The following FAM135B variants were observed in gnomAD, a reference collection of about 807,000 sequenced individuals.
The protein encoded by FAM135B is protein FAM135B.
Under a neutral mutation model 127.7 loss-of-function variants are expected in FAM135B, and 43 were observed. The observed-to-expected ratio is 0.34, with a 90% CI of 0.26 to 0.43. The LOEUF (loss-of-function observed/expected upper bound fraction) is 0.43. Ranked by LOEUF, FAM135B falls within the 20% of genes least tolerant of loss-of-function variation. The probability of loss-of-function intolerance (pLI) is 1.00; values close to 1 mark genes in which losing one functional copy is unlikely to be tolerated. For missense variants in FAM135B, 1,558 were observed against 1,725.6 expected, an observed-to-expected ratio of 0.90 and a Z score of 1.72; for synonymous variants, 670 against 665.1, an observed-to-expected ratio of 1.01 and a Z score of -0.11.
intron 1 of FAM135B, among the ~76,000 whole-genome samples, chr8:138,485,906 T>C (rs181208529): frequency 6.6e-6 from 1 of 151,846 alleles, no homozygotes; most frequent in African/African-American, 2.4e-5. Flanking sequence ...TGTGAGTGAG[T>C]GTGTGGCTAA....
rs1818217541 is a variant in FAM135B at position 138,152,114 on chromosome 8, G to A, written c.2361C>T (p.Asp787=). The part of the protein sequence containing the change: ...SSPEEAAEDA[D]TKQQDGGFAE... ...CAAAACCTCCATCTTGCTGCTTGGT[G>A]TCCGCATCTTCAGCAGCCTCCTCTG... The change falls in exon 13 of 20, where the codon GAC becomes GAT. Residue 787 remains aspartate, a synonymous_variant. Transcript: ENST00000395297. The A allele has an allele frequency of 6.2e-7, 1 of 1,613,868 alleles. No homozygotes were observed. Among genetic ancestry groups the A allele is most frequent in the African/African-American group, 1.3e-5 (1 of 75,028 alleles).
chr8:138,135,901 C>A (rs1406202623), intron 19 of FAM135B, among the ~76,000 whole-genome samples: 2 of 151,972 alleles, frequency 1.3e-5, no homozygotes. Flanking sequence ...TAAATCAAAT[C>A]ATGACACAAA....
At chr8:138,476,566 T>C (rs548270633) in intron 1 of FAM135B, among the ~76,000 whole-genome samples, 121 of 151,708 alleles carry the variant, frequency 8.0e-4, no homozygotes, top group Middle Eastern at 6.8e-3. Flanking sequence ...AAACACAAAA[T>C]AGCCTTTCAT....
At chr8:138,406,974 T>A (rs1226663848) in intron 1 of FAM135B, among the ~76,000 whole-genome samples, 1 of 150,758 alleles carries the variant, frequency 6.6e-6, no homozygotes, top group Non-Finnish European at 1.5e-5. Flanking sequence ...ATTGTCCCTG[T>A]TTGCAGACGA....
In FAM135B at chr8:138,350,497, AACACAC is replaced by A. The variant is rs59686476; in HGVS notation, c.77+17404_77+17409del. Among the ~76,000 whole-genome samples the A allele has an allele frequency of 9.5e-3, 1,414 of 148,150 alleles. 9 individuals carry two copies. Among genetic ancestry groups the A allele is most frequent in the East Asian group, 0.058 (295 of 5,052 alleles). On this transcript the variant is annotated intron_variant, in intron 2 of 19. Transcript: ENST00000395297. ...CAGGAATTGTAAATAGGTTTTCTACAACACACACACACACACACACACACACACATC... is the reference window on the plus strand; with the variant it reads ...CAGGAATTGTAAATAGGTTTTCTACAACACACACACACACACACACACATC...
chr8:138,428,933 A>G (rs1835049819), intron 1 of FAM135B, among the ~76,000 whole-genome samples: 1 of 152,200 alleles, frequency 6.6e-6, no homozygotes, highest in Non-Finnish European at 1.5e-5. Context: ...CCAAGGGCCT[A>G]CTATGTAGGA....
At chr8:138,306,675 C>T (rs753934139) in intron 3 of FAM135B, among the ~76,000 whole-genome samples, 13 of 151,694 alleles carry the variant, frequency 8.6e-5, no homozygotes, top group South Asian at 2.1e-4. Flanking sequence ...CTCTGCCTCC[C>T]GGGTTCAAGC....
At chr8:138,222,624 T>C (rs1819109209) in intron 7 of FAM135B, among the ~76,000 whole-genome samples, 1 of 151,800 alleles carries the variant, frequency 6.6e-6, no homozygotes, top group Non-Finnish European at 1.5e-5. Flanking sequence ...AATAGTTATA[T>C]TTAGATGTGG....
chr8:138,274,465 C>T (rs1228935002), intron 3 of FAM135B, among the ~76,000 whole-genome samples: 1 of 152,192 alleles, frequency 6.6e-6, no homozygotes, highest in African/African-American at 2.4e-5. Flanking sequence ...GGCGAGATCA[C>T]AGGACCACAG....
chr8:138,133,505 T>A (rs1816370593), intron 19 of FAM135B, among the ~76,000 whole-genome samples: 1 of 152,198 alleles, frequency 6.6e-6, no homozygotes. Context: ...TTATGACAAC[T>A]TTTGTATCAT....
intron 16 of FAM135B, chr8:138,142,793 C>G (rs1452718081): frequency 2.2e-6 from 1 of 449,574 alleles, no homozygotes; most frequent in Admixed American, 3.9e-5. Flanking sequence ...TTCTACAGAA[C>G]TACAAAATTT....
intron 3 of FAM135B, among the ~76,000 whole-genome samples, chr8:138,285,134 A>AT (rs386414180): frequency 9.3e-4 from 51 of 54,790 alleles, no homozygotes; most frequent in African/African-American, 3.3e-3. Context: ...GGCTCTACTA[A>AT]TTTTTTTTTT....
intron 1 of FAM135B, among the ~76,000 whole-genome samples, chr8:138,373,380 C>A (rs965477897): frequency 6.6e-6 from 1 of 151,348 alleles, no homozygotes; most frequent in Non-Finnish European, 1.5e-5. Flanking sequence ...CCAATCAATA[C>A]CCCTGTGATT....
intron 17 of FAM135B, among the ~76,000 whole-genome samples, 200 bp downstream of exon 17, chr8:138,140,998 C>T: frequency 6.6e-6 from 1 of 152,076 alleles, no homozygotes. Flanking sequence ...CAGAAATGAT[C>T]CTGGAAAACA....
chr8:138,293,340 T>C (rs1029570732), intron 3 of FAM135B, among the ~76,000 whole-genome samples: 14 of 152,086 alleles, frequency 9.2e-5, no homozygotes, highest in African/African-American at 3.4e-4. Flanking sequence ...CATTGGCCTA[T>C]GCAAAGACTT....
intron 2 of FAM135B, among the ~76,000 whole-genome samples, chr8:138,331,513 G>A (rs75203739): frequency 0.045 from 6,831 of 152,156 alleles, 458 homozygotes; most frequent in African/African-American, 0.15. Flanking sequence ...TCTCCAAGCC[G>A]TACAGTAAAA....
intron 7 of FAM135B, among the ~76,000 whole-genome samples, chr8:138,225,937 T>C (rs1438328029): frequency 6.6e-6 from 1 of 152,130 alleles, no homozygotes; most frequent in East Asian, 1.9e-4. Context: ...TCAGTTATAT[T>C]GAAGGTGTAT....
chr8:138,284,078 T>TA (rs1362075832), intron 3 of FAM135B, among the ~76,000 whole-genome samples: 1 of 152,108 alleles, frequency 6.6e-6, no homozygotes, highest in Non-Finnish European at 1.5e-5. Flanking sequence ...TAAACTGCTC[T>TA]AAAAAATAAA....
At chr8:138,473,675 C>A (rs1814207333) in intron 1 of FAM135B, among the ~76,000 whole-genome samples, 1 of 152,106 alleles carries the variant, frequency 6.6e-6, no homozygotes, top group African/African-American at 2.4e-5. Context: ...CTATTGATTG[C>A]CAATGAGAAT....
Sources: allele counts gnomAD v4.1 joint callset (sites outside exome capture counted in the v4.1 genomes callset), GRCh38; gene constraint gnomAD v4.1.1; transcripts MANE v1.5; gene names NCBI Gene and HGNC (gene_info 2026-07-23, HGNC 2026-07-21).